PELI2: variants seen among roughly 807,000 people sequenced by gnomAD.
The protein encoded by PELI2 is E3 ubiquitin-protein ligase pellino homolog 2.
A neutral mutation model predicts 42.3 loss-of-function variants in PELI2; 23 were observed. The observed-to-expected ratio is 0.54, with a 90% CI of 0.39 to 0.77. PELI2 has a LOEUF of 0.77. Among genes scored for constraint, PELI2 ranks in the 30% least tolerant of loss-of-function variants. PELI2 has a pLI of 0.00. For missense variants in PELI2, 463 were observed against 553.2 expected, an observed-to-expected ratio of 0.84 and a Z score of 1.64; for synonymous variants, 245 against 212.2, an observed-to-expected ratio of 1.15 and a Z score of -1.34.
At chr14:56,132,535 C>CT (rs1883528172) in intron 1 of PELI2, among the ~76,000 whole-genome samples, 1 of 152,144 alleles carries the variant, frequency 6.6e-6, no homozygotes, top group Admixed American at 6.5e-5. Flanking sequence ...CGCCCTGCTG[C>CT]TTGATGGCTT....
intron 2 of PELI2, among the ~76,000 whole-genome samples, chr14:56,238,008 A>G (rs916001600): frequency 2.6e-5 from 4 of 152,072 alleles, no homozygotes; most frequent in African/African-American, 9.7e-5. Flanking sequence ...CTGTTATATG[A>G]TTCTTTTTTA....
intron 2 of PELI2, among the ~76,000 whole-genome samples, chr14:56,270,389 T>C (rs1046652808): frequency 6.6e-6 from 1 of 152,212 alleles, no homozygotes; most frequent in Admixed American, 6.5e-5. Context: ...CTCCTCTCTT[T>C]AGAAATAGTA....
chr14:56,225,473 CT>C (rs2139758153), intron 2 of PELI2, among the ~76,000 whole-genome samples: 1 of 152,276 alleles, frequency 6.6e-6, no homozygotes, highest in East Asian at 1.9e-4. Context: ...CACCAAGTCC[CT>C]CCTGGAGCTC....
At chr14:56,187,008 A>G (rs1366614607) in intron 2 of PELI2, among the ~76,000 whole-genome samples, 3 of 152,218 alleles carry the variant, frequency 2.0e-5, no homozygotes, top group Non-Finnish European at 2.9e-5. Context: ...ATGGAGCATT[A>G]AAGTTCGAAG....
At chr14:56,243,746 A>G (rs982708976) in intron 2 of PELI2, among the ~76,000 whole-genome samples, 2 of 152,246 alleles carry the variant, frequency 1.3e-5, no homozygotes, top group Admixed American at 1.3e-4. Flanking sequence ...AAAAATAAGA[A>G]AAACTACAGC....
chr14:56,151,521 A>C (rs1012392920), intron 1 of PELI2, among the ~76,000 whole-genome samples: 6 of 152,140 alleles, frequency 3.9e-5, no homozygotes, highest in African/African-American at 1.4e-4. Context: ...CAACCATTAG[A>C]ATGTAGTTGT....
intron 2 of PELI2, among the ~76,000 whole-genome samples, chr14:56,240,242 C>T (rs1342551330): frequency 6.6e-6 from 1 of 152,008 alleles, no homozygotes; most frequent in Non-Finnish European, 1.5e-5. Context: ...GGGCAGGAGA[C>T]CTGTTAGGAT....
At chr14:56,126,096 T>C (rs953891603) in intron 1 of PELI2, among the ~76,000 whole-genome samples, 10 of 152,196 alleles carry the variant, frequency 6.6e-5, no homozygotes. Flanking sequence ...TCAACTTTTG[T>C]TTGTTTTTCT....
intron 1 of PELI2, among the ~76,000 whole-genome samples, chr14:56,149,741 A>G (rs1480802495): frequency 2.0e-5 from 3 of 152,154 alleles, no homozygotes; most frequent in East Asian, 3.9e-4. Flanking sequence ...TCTGAAAAAT[A>G]TCTTAAAATC....
intron 2 of PELI2, among the ~76,000 whole-genome samples, chr14:56,229,472 G>C (rs924071821): frequency 6.6e-6 from 1 of 152,204 alleles, no homozygotes; most frequent in Non-Finnish European, 1.5e-5. Context: ...GTGATACCAA[G>C]GCAAACGGGG....
chr14:56,244,900 G>C (rs987782566), intron 2 of PELI2, among the ~76,000 whole-genome samples: 2 of 152,192 alleles, frequency 1.3e-5, no homozygotes, highest in Non-Finnish European at 2.9e-5. Context: ...CCTGGTCAAT[G>C]ACAGAAATAA....
intron 1 of PELI2, among the ~76,000 whole-genome samples, chr14:56,145,351 A>T (rs1365996806): frequency 6.6e-6 from 1 of 152,126 alleles, no homozygotes; most frequent in Non-Finnish European, 1.5e-5. Flanking sequence ...CACCTCCAAC[A>T]CTGGGGATTA....
intron 1 of PELI2, among the ~76,000 whole-genome samples, chr14:56,169,045 C>T (rs905979895): frequency 6.6e-6 from 1 of 152,084 alleles, no homozygotes; most frequent in Non-Finnish European, 1.5e-5. Flanking sequence ...AGCTGTTATC[C>T]AAGATGCAAG....
intron 2 of PELI2, among the ~76,000 whole-genome samples, chr14:56,267,387 A>G (rs1468685712): frequency 6.6e-6 from 1 of 152,136 alleles, no homozygotes; most frequent in East Asian, 1.9e-4. Context: ...ATACACAGCT[A>G]ATAAAGAGCC....
intron 1 of PELI2, among the ~76,000 whole-genome samples, chr14:56,154,445 C>G (rs1566609523): frequency 6.6e-6 from 1 of 152,162 alleles, no homozygotes; most frequent in Non-Finnish European, 1.5e-5. Flanking sequence ...AGTGAGTGAG[C>G]TCTCACGAGA....
chr14:56,156,200 G>T (rs1379323707), intron 1 of PELI2, among the ~76,000 whole-genome samples: 1 of 152,134 alleles, frequency 6.6e-6, no homozygotes, highest in Non-Finnish European at 1.5e-5. Flanking sequence ...TTTGGAAGTT[G>T]TTTATAGATT....
intron 1 of PELI2, among the ~76,000 whole-genome samples, chr14:56,153,423 T>C (rs1481230030): frequency 6.6e-6 from 1 of 152,208 alleles, no homozygotes; most frequent in Non-Finnish European, 1.5e-5. Context: ...AGCAAGAAGA[T>C]GGTCACTGGT....
chr14:56,179,032 C>T (rs1885487056), intron 2 of PELI2, among the ~76,000 whole-genome samples: 1 of 152,046 alleles, frequency 6.6e-6, no homozygotes, highest in South Asian at 2.1e-4. Flanking sequence ...GCCGACTATA[C>T]ATATTTTTTT....
chr14:56,190,271 A>G (rs1409613419), intron 2 of PELI2, among the ~76,000 whole-genome samples: 2 of 152,240 alleles, frequency 1.3e-5, no homozygotes, highest in Non-Finnish European at 2.9e-5. Flanking sequence ...AATTTCTAAA[A>G]TAGCATTGAT....
Sources: gnomAD v4.1 joint callset for allele counts (sites outside exome capture counted in the v4.1 genomes callset) on GRCh38, gnomAD v4.1.1 for gene constraint, MANE v1.5 for transcripts, NCBI Gene and HGNC (gene_info 2026-07-23, HGNC 2026-07-21) for gene names.